DISC1: variants seen among roughly 807,000 people sequenced by gnomAD.
DISC1 encodes the protein disrupted in schizophrenia 1 protein.
Under a neutral mutation model 84.5 loss-of-function variants are expected in DISC1, and 57 were observed. The ratio of observed to expected loss-of-function variants is 0.67; its 90% CI spans 0.55 to 0.84. The LOEUF (loss-of-function observed/expected upper bound fraction) is 0.84. DISC1 is among the 40% of genes least tolerant of loss of function. The pLI, the probability that DISC1 is intolerant of heterozygous loss-of-function variation, is 0.00. For missense variants in DISC1, 1,000 were observed against 1,057.8 expected (o/e 0.95, Z 0.76); for synonymous variants, 411 against 415.2 (o/e 0.99, Z 0.12).
At chr1:231,747,994 T>C (rs921727533) in intron 3 of DISC1, among the ~76,000 whole-genome samples, 1 of 152,150 alleles carries the variant, frequency 6.6e-6, no homozygotes, top group Non-Finnish European at 1.5e-5. Flanking sequence ...ATTTTTGTAG[T>C]TATTGTAAAT....
At chr1:231,776,870 T>C (rs974584060) in intron 6 of DISC1, among the ~76,000 whole-genome samples, 1 of 152,162 alleles carries the variant, frequency 6.6e-6, no homozygotes, top group African/African-American at 2.4e-5. Context: ...TGGTAGAGAT[T>C]CTCAAAGAGG....
At position 231,998,703 on chromosome 1, in the gene DISC1, A is replaced by T. The variant is rs1666277449; in HGVS notation, c.2043-10082A>T. On this transcript the variant is annotated intron_variant, in intron 10 of 12. Coordinates refer to ENST00000439617, the MANE Select transcript of DISC1 (RefSeq NM_018662.3). ...ACAAGCTTCTTGGGAATATTCTTAG[A>T]GGAAGTATTTCAAGAAGATGAAAAG... Among the ~76,000 whole-genome samples the T allele has an allele frequency of 2.6e-5, 4 of 152,388 alleles. No individual in the cohort carries two copies. The South Asian group carries it at 8.3e-4, about 32-fold the overall frequency.
At position 231,958,849 on chromosome 1, in the gene DISC1, C is replaced by T; in HGVS notation, c.2003C>T (p.Thr668Ile). 6.2e-7 allele frequency: 1 copy of T among 1,613,648 alleles called. No homozygotes were observed. Among genetic ancestry groups the T allele is most frequent in the Middle Eastern group, 1.7e-4 (1 of 6,056 alleles). The part of the protein sequence containing the change: ...TAYETSVKEN[T>I]MKYMETLKNK... ...CCAGAAACAAGTGTGAAGGAAAATA[C>T]TATGAAGTACATGGAAACACTTAAG... The change falls in exon 10 of 13, where the codon ACT becomes ATT. Residue 668 changes from threonine to isoleucine, a missense_variant. Thr to Ile is a moderately conservative substitution (Grantham distance 89). This residue lies in a region of DISC1 where 397 missense variants were observed against 377.5 expected (regional missense o/e 1.05). Transcript: ENST00000439617.
At chr1:231,879,947 G>A (rs1329339585) in intron 9 of DISC1, among the ~76,000 whole-genome samples, 4 of 152,182 alleles carry the variant, frequency 2.6e-5, no homozygotes, top group Non-Finnish European at 5.9e-5. Context: ...AAACTGGAGA[G>A]TCATTATAGC....
At chr1:232,001,177 C>T (rs1666638018) in intron 10 of DISC1, among the ~76,000 whole-genome samples, 1 of 152,274 alleles carries the variant, frequency 6.6e-6, no homozygotes, top group East Asian at 1.9e-4. Context: ...TTCCCAGGTT[C>T]AAGTGATTCC....
intron 10 of DISC1, among the ~76,000 whole-genome samples, chr1:231,972,286 TGAA>T (rs1662093897): frequency 6.6e-6 from 1 of 152,226 alleles, no homozygotes. Context: ...TATTGGAGCA[TGAA>T]GGAGAGATGT....
chr1:231,741,192 G>A (rs555983239), intron 3 of DISC1, among the ~76,000 whole-genome samples: 1 of 152,298 alleles, frequency 6.6e-6, no homozygotes, highest in Admixed American at 6.5e-5. Context: ...ATGTGAATAT[G>A]TCAAATACCA....
chr1:231,770,733 T>G (rs1037928310), intron 5 of DISC1, 102 bp from the exon 6 acceptor site: 16 of 1,543,758 alleles, frequency 1.0e-5, no homozygotes, highest in African/African-American at 1.4e-5. Flanking sequence ...TTTGTAGTTC[T>G]GGTGCATATG....
intron 9 of DISC1, among the ~76,000 whole-genome samples, chr1:231,832,626 G>T (rs1404163070): frequency 6.6e-6 from 1 of 150,666 alleles, no homozygotes; most frequent in Non-Finnish European, 1.5e-5. Context: ...GTCAGGGTCA[G>T]TCTAAGTGAA....
chr1:231,898,945 C>CA (rs1279871378), intron 9 of DISC1, among the ~76,000 whole-genome samples: 1 of 147,420 alleles, frequency 6.8e-6, no homozygotes, highest in Non-Finnish European at 1.5e-5. Flanking sequence ...CAAAACAAAA[C>CA]AAAAAATGAA....
intron 6 of DISC1, among the ~76,000 whole-genome samples, chr1:231,784,262 C>CA (rs71648875): frequency 1.8e-3 from 196 of 106,038 alleles, no homozygotes; most frequent in South Asian, 4.3e-3. Context: ...GACTCCGTCT[C>CA]AAAAAAAAAA....
intron 1 of DISC1, among the ~76,000 whole-genome samples, chr1:231,673,654 A>G (rs2062838524): frequency 6.6e-6 from 1 of 152,234 alleles, no homozygotes; most frequent in African/African-American, 2.4e-5. Flanking sequence ...AACCAAACGG[A>G]CTACAGCACA....
At chr1:231,858,400 T>C (rs1328961555) in intron 9 of DISC1, among the ~76,000 whole-genome samples, 1 of 152,330 alleles carries the variant, frequency 6.6e-6, no homozygotes, top group East Asian at 1.9e-4. Context: ...TCCATGTGGA[T>C]AAAACCAGTT....
intron 9 of DISC1, among the ~76,000 whole-genome samples, chr1:231,956,705 G>A (rs1467802956): frequency 6.6e-6 from 1 of 152,156 alleles, no homozygotes; most frequent in Non-Finnish European, 1.5e-5. Context: ...TTCAGACAGG[G>A]TATAGTGGGG....
intron 8 of DISC1, among the ~76,000 whole-genome samples, chr1:231,803,914 T>G (rs1427001553): frequency 9.0e-6 from 1 of 111,620 alleles, no homozygotes; most frequent in Non-Finnish European, 1.7e-5. Flanking sequence ...GCCACTACAC[T>G]CCAGCCTGGG....
intron 3 of DISC1, among the ~76,000 whole-genome samples, chr1:231,728,821 C>G (rs1294694313): frequency 1.4e-5 from 1 of 69,334 alleles, no homozygotes; most frequent in African/African-American, 4.2e-5. Flanking sequence ...TTCGGCTTCT[C>G]CTTAGTATTT....
chr1:231,868,692 TTATATATATATATATATATATATA>T (rs58636016), intron 9 of DISC1, among the ~76,000 whole-genome samples: 1,242 of 108,854 alleles, frequency 0.011, 37 homozygotes, highest in African/African-American at 0.037. Context: ...ACCCCATCTC[TTATATATATATATATATATATATA>T]TATATATATA....
intron 4 of DISC1, among the ~76,000 whole-genome samples, chr1:231,757,539 C>G (rs914802974): frequency 1.3e-5 from 2 of 152,128 alleles, no homozygotes; most frequent in African/African-American, 4.8e-5. Context: ...CTGCCAGCAG[C>G]CAAGAGAGCT....
At chr1:231,638,834 A>G (rs1273824428) in intron 1 of DISC1, among the ~76,000 whole-genome samples, 1 of 152,316 alleles carries the variant, frequency 6.6e-6, no homozygotes, top group East Asian at 1.9e-4. Context: ...AAAATGAATA[A>G]CTATTAATCA....
Sources: allele counts gnomAD v4.1 joint callset (sites outside exome capture counted in the v4.1 genomes callset), GRCh38; gene constraint gnomAD v4.1.1; regional missense constraint gnomAD v4.1.1; transcripts MANE v1.5; gene names NCBI Gene and HGNC (gene_info 2026-07-23, HGNC 2026-07-21).